The following C8orf34 variants were observed in gnomAD, a reference collection of about 807,000 sequenced individuals.
C8orf34 encodes chromosome 8 open reading frame 34.
In C8orf34, 65 loss-of-function variants were observed where a neutral mutation model predicts 68.3. That is an observed-to-expected ratio of 0.95 (90% CI 0.78 to 1.17). C8orf34 has a LOEUF of 1.17. C8orf34 is among the 50% of genes most tolerant of loss of function. The probability of loss-of-function intolerance (pLI) is 0.00; values close to 1 mark genes in which losing one functional copy is unlikely to be tolerated. For missense variants in C8orf34, 664 were observed against 655.4 expected (o/e 1.01, Z -0.14); for synonymous variants, 244 against 241.2 (o/e 1.01, Z -0.11).
intron 1 of C8orf34, among the ~76,000 whole-genome samples, chr8:68,427,772 C>G (rs1184032880): frequency 6.6e-6 from 1 of 151,878 alleles, no homozygotes; most frequent in African/African-American, 2.4e-5. Context: ...TATAATTTTT[C>G]AAGATATCAA....
intron 3 of C8orf34, among the ~76,000 whole-genome samples, chr8:68,465,155 C>T (rs564473970): frequency 1.6e-4 from 24 of 152,274 alleles, no homozygotes; most frequent in Non-Finnish European, 2.5e-4. Context: ...TGAACCGACA[C>T]GTCACAAAAG....
intron 1 of C8orf34, among the ~76,000 whole-genome samples, chr8:68,352,167 T>G (rs752716330): frequency 3.3e-5 from 5 of 152,106 alleles, no homozygotes; most frequent in Admixed American, 6.6e-5. Flanking sequence ...TCTTGAATAT[T>G]CTACCAAACA....
chr8:68,344,807 T>C (rs532574901), intron 1 of C8orf34, among the ~76,000 whole-genome samples: 1 of 152,208 alleles, frequency 6.6e-6, no homozygotes, highest in East Asian at 1.9e-4. Context: ...GAGCAAAATA[T>C]GTGTTAAGCA....
intron 8 of C8orf34, among the ~76,000 whole-genome samples, chr8:68,663,433 C>A (rs144750614): frequency 6.6e-6 from 1 of 152,062 alleles, no homozygotes; most frequent in Non-Finnish European, 1.5e-5. Flanking sequence ...TTATTTTTCC[C>A]CCTCTACACA....
chr8:68,620,962 A>G (rs1818371538), intron 7 of C8orf34, among the ~76,000 whole-genome samples: 1 of 152,214 alleles, frequency 6.6e-6, no homozygotes, highest in Non-Finnish European at 1.5e-5. Flanking sequence ...AGTTGTTTAT[A>G]TGCGGAAATA....
At chr8:68,711,924 A>G (rs1187320875) in intron 9 of C8orf34, among the ~76,000 whole-genome samples, 2 of 152,184 alleles carry the variant, frequency 1.3e-5, no homozygotes, top group Non-Finnish European at 2.9e-5. Flanking sequence ...AAATCTTAAG[A>G]GCTGTGAGGC....
chr8:68,400,903 TA>T (rs1808922837), intron 1 of C8orf34, among the ~76,000 whole-genome samples: 1 of 152,136 alleles, frequency 6.6e-6, no homozygotes. Flanking sequence ...CTAATTCTAT[TA>T]AAAAATGAAA....
At chr8:68,430,398 A>G (rs1446452091) in intron 1 of C8orf34, among the ~76,000 whole-genome samples, 2 of 152,162 alleles carry the variant, frequency 1.3e-5, no homozygotes, top group African/African-American at 4.8e-5. Flanking sequence ...TTTCTGGAGT[A>G]CTGTGAGCTA....
intron 8 of C8orf34, among the ~76,000 whole-genome samples, chr8:68,662,535 T>A (rs1376710660): frequency 1.3e-5 from 2 of 152,170 alleles, no homozygotes; most frequent in African/African-American, 4.8e-5. Flanking sequence ...TGATGGTTTT[T>A]CCCCTGCACA....
At chr8:68,432,535 T>C (rs1049943564) in intron 1 of C8orf34, among the ~76,000 whole-genome samples, 1 of 152,098 alleles carries the variant, frequency 6.6e-6, no homozygotes, top group Non-Finnish European at 1.5e-5. Flanking sequence ...GTTGAACTCC[T>C]GAACTCAAGT....
At chr8:68,604,411 G>A (rs1817791969) in intron 7 of C8orf34, among the ~76,000 whole-genome samples, 1 of 149,542 alleles carries the variant, frequency 6.7e-6, no homozygotes, top group South Asian at 2.1e-4. Context: ...ATCAGCAAAA[G>A]ATAGACAGCA....
At chr8:68,655,062 G>A (rs111972359) in intron 8 of C8orf34, among the ~76,000 whole-genome samples, 12 of 152,030 alleles carry the variant, frequency 7.9e-5, no homozygotes, top group Middle Eastern at 3.4e-3. Context: ...AATCACTGGC[G>A]TTTATTTACA....
chr8:68,412,295 T>A (rs1382260941), intron 1 of C8orf34, among the ~76,000 whole-genome samples: 1 of 152,226 alleles, frequency 6.6e-6, no homozygotes, highest in Non-Finnish European at 1.5e-5. Flanking sequence ...AATATGCAAA[T>A]TTAAATATTA....
At chr8:68,331,783 CTT>C (rs552564162) in intron 1 of C8orf34, among the ~76,000 whole-genome samples, 323 of 29,408 alleles carry the variant, frequency 0.011, 3 homozygotes, top group Admixed American at 0.027. Flanking sequence ...TTCTTTCCTT[CTT>C]TTTTTTTTTT....
chr8:68,695,148 CTT>C (rs111296235), intron 8 of C8orf34, among the ~76,000 whole-genome samples: 69 of 139,038 alleles, frequency 5.0e-4, no homozygotes, highest in Middle Eastern at 3.6e-3. Context: ...CTGTTTATTC[CTT>C]TTTTTTTTTT....
rs541918140 is a variant in C8orf34 at position 68,680,115 on chromosome 8, C to G, written c.1242-28879C>G. Reference sequence around the variant, plus strand: ...AAAACCTTCTGCACAGCAAAGGAAACAATCAACAAAGTGAAGAGAAAACCC... The same window carrying G: ...AAAACCTTCTGCACAGCAAAGGAAAGAATCAACAAAGTGAAGAGAAAACCC... On this transcript the variant is annotated intron_variant, in intron 8 of 13. Coordinates refer to ENST00000518698, the MANE Select transcript of C8orf34 (RefSeq NM_052958.4). Among the ~76,000 whole-genome samples the G allele has an allele frequency of 6.6e-5, 10 of 152,080 alleles. No individual in the cohort carries two copies. In the Middle Eastern group the frequency reaches 0.01, roughly 156 times the overall value.
At chr8:68,572,942 G>A (rs1816799302) in intron 7 of C8orf34, among the ~76,000 whole-genome samples, 1 of 152,020 alleles carries the variant, frequency 6.6e-6, no homozygotes, top group South Asian at 2.1e-4. Flanking sequence ...CAATAATTGT[G>A]AGCTCTCTTT....
intron 10 of C8orf34, among the ~76,000 whole-genome samples, chr8:68,731,367 A>G (rs151247565): frequency 1.8e-4 from 27 of 152,328 alleles, no homozygotes; most frequent in South Asian, 1.2e-3. Flanking sequence ...TGACTCAAAC[A>G]AACCAAAAAA....
chr8:68,560,392 G>C (rs13272914), intron 7 of C8orf34, among the ~76,000 whole-genome samples: 88,601 of 151,954 alleles, frequency 0.58, 26,724 homozygotes, highest in African/African-American at 0.75. Flanking sequence ...GTGCTGTTTC[G>C]TAGTTTGCTC....
Sources: gnomAD v4.1 joint callset for allele counts (sites outside exome capture counted in the v4.1 genomes callset) on GRCh38, gnomAD v4.1.1 for gene constraint, MANE v1.5 for transcripts, NCBI Gene and HGNC (gene_info 2026-07-23, HGNC 2026-07-21) for gene names.